KLHDC1: variants seen among roughly 807,000 people sequenced by gnomAD.
KLHDC1 encodes the protein kelch domain-containing protein 1.
KLHDC1 carries 53 observed loss-of-function variants against 68.3 expected under a neutral mutation model. That is an observed-to-expected ratio of 0.78 (90% CI 0.62 to 0.98). The LOEUF is 0.98. KLHDC1 is among the 50% of genes least tolerant of loss of function. The pLI, the probability that KLHDC1 is intolerant of heterozygous loss-of-function variation, is 0.00. For missense variants in KLHDC1, 470 were observed against 492.3 expected, an observed-to-expected ratio of 0.95 and a Z score of 0.43; for synonymous variants, 148 against 159.0, an observed-to-expected ratio of 0.93 and a Z score of 0.52.
At chr14:49,725,378 A>G (rs1172586015) in intron 5 of KLHDC1, among the ~76,000 whole-genome samples, 2 of 152,310 alleles carry the variant, frequency 1.3e-5, no homozygotes, top group African/African-American at 4.8e-5. Flanking sequence ...TAAAATGTAA[A>G]CATCATTCCA....
chr14:49,698,888 G>A (rs966113422), intron 1 of KLHDC1, among the ~76,000 whole-genome samples: 2 of 151,700 alleles, frequency 1.3e-5, no homozygotes, highest in Non-Finnish European at 2.9e-5. Context: ...ACTTCTTGAC[G>A]AGCGTGGTGG....
chr14:49,742,719 C>T (rs8020641), intron 11 of KLHDC1, among the ~76,000 whole-genome samples: 241 of 148,596 alleles, frequency 1.6e-3, no homozygotes, highest in Middle Eastern at 3.5e-3. Flanking sequence ...CTTGAGACCA[C>T]CTGGAAAAGG....
At position 49,729,001 on chromosome 14, in the gene KLHDC1, CGTGTTCTGGTTA is replaced by C; in HGVS notation, c.649_651+9del. The C allele has an allele frequency of 6.2e-7, 1 of 1,609,778 alleles. No individual in the cohort carries two copies. Among genetic ancestry groups the C allele is most frequent in the South Asian group, 1.1e-5 (1 of 90,966 alleles). On this transcript the variant is annotated splice_donor_variant and splice_donor_region_variant and coding_sequence_variant and intron_variant, in exon 7 of 13. Coordinates refer to ENST00000359332, the MANE Select transcript of KLHDC1 (RefSeq NM_172193.3). LOFTEE classifies it high-confidence loss of function. ...AAATAAGGGTTATATCTTTGGCGGA[CGTGTTCTGGTTA>C]GTGTTTTTAATGGAAATGGTATTTT...
chr14:49,719,127 C>T (rs936360588), intron 4 of KLHDC1, among the ~76,000 whole-genome samples: 2 of 151,760 alleles, frequency 1.3e-5, no homozygotes, highest in Admixed American at 1.3e-4. Flanking sequence ...ATTTTGCCTC[C>T]AACCTTTATC....
intron 6 of KLHDC1, 92 bp from the exon 7 acceptor site, chr14:49,728,834 A>T: frequency 1.1e-6 from 1 of 877,848 alleles, no homozygotes; most frequent in Non-Finnish European, 1.9e-6. Context: ...ATGATAACTT[A>T]GTGATTAAGA....
At chr14:49,708,961 CTTTA>C (rs1240345839) in intron 1 of KLHDC1, among the ~76,000 whole-genome samples, 194 bp from the exon 2 acceptor site, 1 of 151,720 alleles carries the variant, frequency 6.6e-6, no homozygotes, top group Non-Finnish European at 1.5e-5. Flanking sequence ...TATTTTGATC[CTTTA>C]TTGTTTTCCC....
rs537926235 is a variant in KLHDC1, at chr14:49,703,546, A to G, written c.97-5613A>G. Among the ~76,000 whole-genome samples the G allele has an allele frequency of 1.1e-4, 16 of 152,108 alleles. 1 individual carries two copies. In the South Asian group the frequency reaches 3.1e-3, roughly 30 times the overall value. On this transcript the variant is annotated intron_variant, in intron 1 of 12. Transcript: ENST00000359332. ...GTAGTAGAAACGGGGTTTCACCATG[A>G]TGGCCAGGTTGATCTTGGACTCCTC...
Position 49,693,134 on chromosome 14 carries a change from G to A in KLHDC1, c.-61G>A. The stretch of plus-strand genomic sequence containing the variant: ...GTGCGTGGAGCAGTCGGGGCTGGAG[G>A]CGAGGCCGCCGGGCGGGCAGGGGTT... On this transcript the variant is annotated 5_prime_UTR_variant, in exon 1 of 13. Transcript: ENST00000359332. 1 of 1,449,962 alleles carries A rather than the reference G, an allele frequency of 6.9e-7. No individual in the cohort carries two copies. 89.8% of individuals were successfully genotyped at this position (1,449,962 alleles called of 1,614,324 possible). A position where few individuals can be genotyped will look rare whatever the true frequency, so the allele number is the denominator to read the frequency against.
At chr14:49,742,991 A>G (rs4372607) in intron 11 of KLHDC1, among the ~76,000 whole-genome samples, 141,452 of 148,894 alleles carry the variant, frequency 0.95, 67,654 homozygotes, top group East Asian at 1. Context: ...AGGATGGCTT[A>G]AGCCAGGAAG....
At chr14:49,735,441 G>C (rs1386563036) in intron 10 of KLHDC1, among the ~76,000 whole-genome samples, 1 of 151,906 alleles carries the variant, frequency 6.6e-6, no homozygotes, top group African/African-American at 2.4e-5. Flanking sequence ...ATAAATGACA[G>C]CTTACTTGAG....
intron 4 of KLHDC1, among the ~76,000 whole-genome samples, chr14:49,713,715 A>C (rs1428433830): frequency 6.8e-6 from 1 of 147,090 alleles, no homozygotes; most frequent in East Asian, 2.0e-4. Context: ...ACAAAACCCC[A>C]TCTTTACTAA....
intron 4 of KLHDC1, among the ~76,000 whole-genome samples, chr14:49,712,850 G>C (rs920981018): frequency 1.3e-5 from 2 of 151,706 alleles, no homozygotes; most frequent in African/African-American, 4.8e-5. Context: ...ATGTTGGTCA[G>C]CCTGGCCTTG....
intron 9 of KLHDC1, 52 bp downstream of exon 9, chr14:49,732,868 A>G (rs770268110): frequency 7.9e-6 from 7 of 889,758 alleles, no homozygotes; most frequent in Non-Finnish European, 1.3e-5. Flanking sequence ...TTTTTTCTTA[A>G]TTGTATTTCA....
At chr14:49,742,614 G>A (rs534675683) in intron 11 of KLHDC1, among the ~76,000 whole-genome samples, 12 of 149,132 alleles carry the variant, frequency 8.0e-5, no homozygotes, top group Non-Finnish European at 1.5e-4. Flanking sequence ...CAGAGGTTGC[G>A]GTGAGCCGAG....
chr14:49,740,498 C>T (rs966843942), intron 11 of KLHDC1, among the ~76,000 whole-genome samples: 10 of 152,200 alleles, frequency 6.6e-5, no homozygotes, highest in East Asian at 5.8e-4. Context: ...CCAACATACC[C>T]GGCTAATTTT....
intron 4 of KLHDC1, among the ~76,000 whole-genome samples, chr14:49,720,831 G>T (rs1220079886): frequency 6.6e-6 from 1 of 152,038 alleles, no homozygotes; most frequent in Admixed American, 6.6e-5. Flanking sequence ...GTTTACTGAT[G>T]TTTTCCATTG....
chr14:49,723,772 T>G, intron 4 of KLHDC1, 102 bp from the exon 5 acceptor site: 2 of 629,754 alleles, frequency 3.2e-6, no homozygotes, highest in South Asian at 2.2e-5. Context: ...TAAACTGTGA[T>G]TTTGTGTTTG....
chr14:49,712,022 A>G (rs1236745454), intron 4 of KLHDC1, among the ~76,000 whole-genome samples: 1 of 147,502 alleles, frequency 6.8e-6, no homozygotes, highest in Non-Finnish European at 1.5e-5. Context: ...AGTTCAAGCA[A>G]TTCTCCTGCC....
chr14:49,705,361 C>CTTTTTTTTTTTT (rs1334189965), intron 1 of KLHDC1, among the ~76,000 whole-genome samples: 1 of 35,306 alleles, frequency 2.8e-5, no homozygotes, highest in African/African-American at 7.4e-5. Context: ...ATATTTCTTT[C>CTTTTTTTTTTTT]TTTCTTTTTT....
Sources: allele counts gnomAD v4.1 joint callset (sites outside exome capture counted in the v4.1 genomes callset), GRCh38; gene constraint gnomAD v4.1.1; transcripts MANE v1.5; gene names NCBI Gene and HGNC (gene_info 2026-07-23, HGNC 2026-07-21).